Variants in ERBIN observed in about 807,000 individuals in gnomAD.
The protein encoded by ERBIN is densin-180-like protein.
Under a neutral mutation model 158.4 loss-of-function variants are expected in ERBIN, and 60 were observed. The observed-to-expected ratio is 0.38, with a 90% confidence interval of 0.31 to 0.47. The LOEUF is 0.47. Ranked by LOEUF, ERBIN falls within the 20% of genes least tolerant of loss-of-function variation. ERBIN has a pLI of 0.99. For missense variants in ERBIN, 1,610 were observed against 1,648.0 expected (o/e 0.98, Z 0.40); for synonymous variants, 594 against 557.2 (o/e 1.07, Z -0.93).
intron 21 of ERBIN, among the ~76,000 whole-genome samples, chr5:66,069,560 T>C (rs553789897): frequency 6.6e-6 from 1 of 152,282 alleles, no homozygotes; most frequent in Admixed American, 6.5e-5. Context: ...ACTAAACATT[T>C]CCTTAGTAGT....
At chr5:65,960,982 C>G (rs967535829) in intron 1 of ERBIN, among the ~76,000 whole-genome samples, 1 of 152,094 alleles carries the variant, frequency 6.6e-6, no homozygotes, top group Non-Finnish European at 1.5e-5. Context: ...TTCAAAATGA[C>G]TCTTTTGACA....
chr5:65,947,210 A>G (rs905818325), intron 1 of ERBIN, among the ~76,000 whole-genome samples: 9 of 152,076 alleles, frequency 5.9e-5, no homozygotes, highest in African/African-American at 2.2e-4. Flanking sequence ...TTTTTCTGAA[A>G]GTTTTATAGT....
At chr5:66,046,320 G>T (rs768484871) in intron 17 of ERBIN, 33 bp from the exon 18 acceptor site, 1 of 1,288,806 alleles carries the variant, frequency 7.8e-7, no homozygotes, top group Non-Finnish European at 1.1e-6. Context: ...AAAACTTAAA[G>T]AATATGAGCT....
chr5:66,033,311 T>C (rs568134274), intron 14 of ERBIN, among the ~76,000 whole-genome samples: 1 of 152,330 alleles, frequency 6.6e-6, no homozygotes, highest in Admixed American at 6.5e-5. Context: ...CTTTTGTTGT[T>C]TCTCAAAAGG....
intron 21 of ERBIN, among the ~76,000 whole-genome samples, chr5:66,063,449 T>C (rs191063233): frequency 3.3e-5 from 5 of 152,292 alleles, no homozygotes; most frequent in African/African-American, 1.2e-4. Flanking sequence ...ACCCCTTCCT[T>C]TGACTAGGAA....
At position 66,000,524 on chromosome 5, in the gene ERBIN, G is replaced by A. The variant is rs1045688924; in HGVS notation, c.307+5660G>A. On this transcript the variant is annotated intron_variant, in intron 4 of 25. Coordinates refer to ENST00000284037, the MANE Select transcript of ERBIN (RefSeq NM_001253697.2). The stretch of plus-strand genomic sequence containing the variant: ...TTCAACCTGTGAATGTTTTTGAGGC[G>A]TTGGAGATAATCTTTATGTGATCAA... Among the ~76,000 whole-genome samples the A allele has an allele frequency of 6.6e-5, 10 of 152,038 alleles. No individual in the cohort carries two copies. In the South Asian group the frequency reaches 1.7e-3, roughly 25 times the overall value.
chr5:66,018,562 ATATAT>A (rs377099721), intron 7 of ERBIN, among the ~76,000 whole-genome samples: 4 of 13,046 alleles, frequency 3.1e-4, no homozygotes, highest in East Asian at 8.7e-4. Context: ...ATTATATAAT[ATATAT>A]TATATTATAT....
chr5:65,950,527 A>G (rs997205839), intron 1 of ERBIN, among the ~76,000 whole-genome samples: 1 of 152,216 alleles, frequency 6.6e-6, no homozygotes, highest in African/African-American at 2.4e-5. Flanking sequence ...ATTTATTACC[A>G]GTGATTTGAA....
At chr5:65,977,824 G>A (rs1003022489) in intron 1 of ERBIN, among the ~76,000 whole-genome samples, 1 of 152,170 alleles carries the variant, frequency 6.6e-6, no homozygotes, top group Non-Finnish European at 1.5e-5. Flanking sequence ...GGTGGAGGTT[G>A]TAGCGAGCCG....
chr5:65,999,630 C>T (rs1467166375), intron 4 of ERBIN, among the ~76,000 whole-genome samples: 4 of 152,164 alleles, frequency 2.6e-5, no homozygotes, highest in Non-Finnish European at 5.9e-5. Flanking sequence ...TGTTGTGTCT[C>T]TGGTCCTTTT....
intron 20 of ERBIN, among the ~76,000 whole-genome samples, chr5:66,051,749 G>A (rs763181568): frequency 5.9e-5 from 9 of 151,908 alleles, no homozygotes; most frequent in Admixed American, 1.3e-4. Context: ...ACAAAAGTTG[G>A]CCATGTGTGG....
At chr5:66,056,340 G>A (rs1364748267) in intron 21 of ERBIN, among the ~76,000 whole-genome samples, 1 of 152,164 alleles carries the variant, frequency 6.6e-6, no homozygotes, top group Non-Finnish European at 1.5e-5. Flanking sequence ...TTAAATAACT[G>A]GTTGTTGGGA....
chr5:66,031,247 A>G (rs1041089386), intron 14 of ERBIN, among the ~76,000 whole-genome samples: 6 of 152,376 alleles, frequency 3.9e-5, no homozygotes, highest in Admixed American at 3.9e-4. Flanking sequence ...TATGTAGAAC[A>G]GTACATGCAG....
In ERBIN at chr5:66,043,080, T is replaced by C. The variant is rs1171978598; in HGVS notation, c.1310T>C (p.Met437Thr). ...TTTGTTTTTTACTTTTCTCTAGTTA[T>C]GTTTATATCAGATAATGAAAGTTTT... is the stretch of plus-strand genomic sequence containing the variant. ...FPQQPRTEDV[M>T]FISDNESFNP... The change falls in exon 16 of 26, where the codon ATG becomes ACG. Residue 437 changes from methionine (M) to threonine (T), a missense_variant. By Grantham distance (81) the Met-to-Thr change is moderately conservative. This residue lies in a region of ERBIN where 596 missense variants were observed against 711.9 expected (regional missense o/e 0.84). Transcript: ENST00000284037. The C allele has an allele frequency of 4.4e-6, 7 of 1,590,924 alleles. No homozygotes were observed. The highest frequency in any genetic ancestry group is 6.0e-6 in the Non-Finnish European group (7 of 1,164,736).
intron 1 of ERBIN, among the ~76,000 whole-genome samples, chr5:65,945,616 C>A (rs1745645047): frequency 6.6e-6 from 1 of 152,112 alleles, no homozygotes; most frequent in Admixed American, 6.5e-5. Flanking sequence ...CTTAGCCATT[C>A]AATTTAAAAC....
chr5:66,053,850 T>C lies in ERBIN; in HGVS notation c.2532T>C (p.Ser844=), dbSNP rs202028376. The C allele has an allele frequency of 1.2e-6, 2 of 1,614,026 alleles. No individual in the cohort carries two copies. Among genetic ancestry groups the C allele is most frequent in the African/African-American group, 1.3e-5 (1 of 74,936 alleles). ...NRTEPHDSDC[S]VDLGISKSTE... The stretch of plus-strand genomic sequence containing the variant: ...CTGAACCACATGACAGTGATTGTTC[T>C]GTTGACTTAGGTATTTCCAAAAGCA... The change falls in exon 21 of 26, where the codon TCT becomes TCC. Residue 844 remains serine, a synonymous_variant. Transcript: ENST00000284037.
intron 15 of ERBIN, among the ~76,000 whole-genome samples, chr5:66,042,758 C>T (rs1196820574): frequency 6.6e-6 from 1 of 151,980 alleles, no homozygotes; most frequent in Non-Finnish European, 1.5e-5. Flanking sequence ...TACCATAGCA[C>T]CTTTTAGAGC....
At chr5:66,008,685 G>T (rs917737376) in intron 4 of ERBIN, among the ~76,000 whole-genome samples, 4 of 151,800 alleles carry the variant, frequency 2.6e-5, no homozygotes, top group African/African-American at 9.7e-5. Flanking sequence ...CTTTTACTTG[G>T]CTATTTCGAA....
rs1365603160 is a variant in ERBIN, at chr5:66,081,851, T to A, written c.*3321T>A. 2.6e-5 allele frequency: 4 copies of A among 151,890 alleles called. No individual in the cohort carries two copies. Among genetic ancestry groups the A allele is most frequent in the African/African-American group, 9.7e-5 (4 of 41,354 alleles). 9.4% of individuals were successfully genotyped at this position (151,890 alleles called of 1,614,324 possible). On this transcript the variant is annotated 3_prime_UTR_variant, in exon 26 of 26. Coordinates refer to ENST00000284037, the MANE Select transcript of ERBIN (RefSeq NM_001253697.2). ...ATGAAATGGACATTGAAATAAAAATTATGATTCAAGAGCATTAATTGATGA... is the reference window on the plus strand; with the variant it reads ...ATGAAATGGACATTGAAATAAAAATAATGATTCAAGAGCATTAATTGATGA...
Sources: allele counts gnomAD v4.1 joint callset (sites outside exome capture counted in the v4.1 genomes callset), GRCh38; gene constraint gnomAD v4.1.1; regional missense constraint gnomAD v4.1.1; transcripts MANE v1.5; gene names NCBI Gene and HGNC (gene_info 2026-07-23, HGNC 2026-07-21).